EP300: variants seen among roughly 807,000 people sequenced by gnomAD.
EP300 encodes the protein histone acetyltransferase p300.
In EP300, 31 loss-of-function variants were observed where a neutral mutation model predicts 264.0. The observed-to-expected ratio is 0.12, with a 90% CI of 0.09 to 0.16. The LOEUF is 0.16. EP300 is among the 10% of genes least tolerant of loss of function. The pLI is 1.00. For synonymous variants in EP300, 1,340 were observed against 1,045.4 expected (o/e 1.28, Z -5.44); for missense variants, 2,766 against 3,052.9 (o/e 0.91, Z 2.21).
chr22:41,168,128 C>G (rs2059150857), intron 23 of EP300: 1 of 370,184 alleles, frequency 2.7e-6, no homozygotes, highest in Non-Finnish European at 5.2e-6. Flanking sequence ...GGCCCCTGTT[C>G]TGTATTTTTA....
intron 6 of EP300, among the ~76,000 whole-genome samples, chr22:41,132,701 G>A (rs1337059865): frequency 6.6e-6 from 1 of 152,170 alleles, no homozygotes; most frequent in Non-Finnish European, 1.5e-5. Flanking sequence ...ATAGAAATGA[G>A]TGTAGTTGGT....
rs148136490 is a variant in EP300, at chr22:41,126,170, G to A, written c.906+130G>A. On this transcript the variant is annotated intron_variant, in intron 3 of 30. Transcript: ENST00000263253. ...TAGGAGCCTAAATTGATATGTACTT[G>A]ATGATCCCTGTGAGGAGGCTTGTGC... 371 of 899,092 alleles carry A rather than the reference G, an allele frequency of 4.1e-4. 1 individual carries two copies. In the African/African-American group the frequency reaches 4.3e-3, roughly 10 times the overall value. The allele number at this position is 899,092 out of a possible 1,614,324, so 55.7% of individuals were successfully genotyped here.
At position 41,152,285 on chromosome 22, in the gene EP300, A is replaced by G. The variant is rs2145740918; in HGVS notation, c.3077A>G (p.Glu1026Gly). The G allele has an allele frequency of 1.9e-6, 3 of 1,614,176 alleles. No individual in the cohort carries two copies. Among genetic ancestry groups the G allele is most frequent in the East Asian group, 2.2e-5 (1 of 44,874 alleles). The change falls in exon 16 of 31, where the codon GAG becomes GGG. Residue 1026 changes from glutamate (E) to glycine (G), a missense_variant. Physicochemically the swap from Glu to Gly is moderately conservative, Grantham distance 98 (BLOSUM62 -2). Transcript: ENST00000263253. Reference protein sequence around the residue: ...STELKTEIKEEEDQPSTSATQ... With the variant: ...STELKTEIKEGEDQPSTSATQ... ...GAGTTAAAAACTGAAATAAAAGAGG[A>G]GGAAGACCAGCCAAGTACTTCAGCT... is the stretch of plus-strand genomic sequence containing the variant.
At chr22:41,095,941 C>T (rs994629918) in intron 1 of EP300, among the ~76,000 whole-genome samples, 1 of 152,122 alleles carries the variant, frequency 6.6e-6, no homozygotes, top group East Asian at 1.9e-4. Flanking sequence ...GTTTAATACT[C>T]AGATATTCTC....
chr22:41,152,411 A>G (rs2145741389), intron 16 of EP300, 61 bp downstream of exon 16: 8 of 1,565,170 alleles, frequency 5.1e-6, no homozygotes, highest in Non-Finnish European at 6.9e-6. Flanking sequence ...CCAGGGCAGA[A>G]TTGCGGTCAT....
chr22:41,135,969 T>C, intron 7 of EP300, 63 bp downstream of exon 7: 1 of 1,271,842 alleles, frequency 7.9e-7, no homozygotes, highest in Non-Finnish European at 1.2e-6. Context: ...AACAATTCAT[T>C]GTTTGACTTT....
At chr22:41,094,126 T>G (rs887113712) in intron 1 of EP300, among the ~76,000 whole-genome samples, 1 of 152,226 alleles carries the variant, frequency 6.6e-6, no homozygotes, top group Non-Finnish European at 1.5e-5. Flanking sequence ...TACAGTTAGT[T>G]TAATGGTGTT....
At position 41,177,842 on chromosome 22, in the gene EP300, G is replaced by A. The variant is rs1457697396; in HGVS notation, c.6131G>A (p.Gly2044Asp). ...GTAGGTATCAGCCCACTCAAACCAGGCACTGTGTCTCAACAAGCCTTACAA... is the reference window on the plus strand; with the variant it reads ...GTAGGTATCAGCCCACTCAAACCAGACACTGTGTCTCAACAAGCCTTACAA... ...GQVGISPLKP[G>D]TVSQQALQNL... The change falls in exon 31 of 31, where the codon GGC (glycine) becomes GAC (aspartate). Residue 2044 changes from glycine to aspartate, a missense_variant. Physicochemically the swap from Gly to Asp is moderately conservative, Grantham distance 94. Coordinates refer to ENST00000263253, the MANE Select transcript of EP300 (RefSeq NM_001429.4). 6.2e-7 allele frequency: 1 copy of A among 1,614,130 alleles called. No homozygotes were observed. The highest frequency in any genetic ancestry group is 8.5e-7 in the Non-Finnish European group (1 of 1,180,024).
intron 22 of EP300, among the ~76,000 whole-genome samples, 161 bp from the exon 23 acceptor site, chr22:41,166,435 ATTC>A (rs1169766338): frequency 6.6e-6 from 1 of 151,990 alleles, no homozygotes; most frequent in Non-Finnish European, 1.5e-5. Context: ...TATCTTTTTT[ATTC>A]TTACTGATTT....
intron 1 of EP300, among the ~76,000 whole-genome samples, chr22:41,105,069 C>T (rs1426737031): frequency 7.3e-5 from 11 of 151,334 alleles, no homozygotes; most frequent in South Asian, 2.1e-4. Context: ...TAGTGGCGGG[C>T]GCCTGTAGTC....
intron 1 of EP300, among the ~76,000 whole-genome samples, chr22:41,108,438 CTG>C (rs2058770666): frequency 6.6e-6 from 1 of 151,680 alleles, no homozygotes; most frequent in Non-Finnish European, 1.5e-5. Flanking sequence ...TTTGTTGACA[CTG>C]GTGTCCTTCT....
chr22:41,161,228 GC>G (rs1419614660), intron 20 of EP300, among the ~76,000 whole-genome samples: 1 of 152,184 alleles, frequency 6.6e-6, no homozygotes, highest in African/African-American at 2.4e-5. Flanking sequence ...TTAACAGCAT[GC>G]CGGGGTTTAA....
At chr22:41,117,158 T>G (rs1448137766) in intron 1 of EP300, 29 bp from the exon 2 acceptor site, 2 of 1,605,768 alleles carry the variant, frequency 1.2e-6, no homozygotes, top group African/African-American at 2.7e-5. Context: ...TGTCATACTT[T>G]GACCTTTGTC....
At chr22:41,097,036 T>G (rs1052248305) in intron 1 of EP300, among the ~76,000 whole-genome samples, 6 of 152,240 alleles carry the variant, frequency 3.9e-5, no homozygotes, top group Non-Finnish European at 5.9e-5. Context: ...ATGTTTTATT[T>G]TATTTTGGCT....
intron 17 of EP300, among the ~76,000 whole-genome samples, chr22:41,155,977 G>C (rs2059074402): frequency 6.6e-6 from 1 of 152,016 alleles, no homozygotes; most frequent in Non-Finnish European, 1.5e-5. Context: ...GAATTCCTGG[G>C]TTATATAGTT....
intron 1 of EP300, among the ~76,000 whole-genome samples, chr22:41,097,065 TTTGCTTCTGGAGTCTTGCAGATATA>T (rs1462700155): frequency 1.3e-5 from 2 of 152,212 alleles, no homozygotes; most frequent in Non-Finnish European, 2.9e-5. Flanking sequence ...TACATAAGAG[TTTGCTTCTGGAGTCTTGCAGATATA>T]GCTCCTGATT....
Position 41,158,393 on chromosome 22 carries a change from CA to C in EP300, c.3502-16del. The C allele has an allele frequency of 6.2e-7, 1 of 1,612,202 alleles. No individual in the cohort carries two copies. Among genetic ancestry groups the C allele is most frequent in the African/African-American group, 1.3e-5 (1 of 75,052 alleles). ...TCCTTAAGGCCTCTGTGCTTTTTAA[CA>C]AATGGTTTCTTTTGCAGTTGGAGTT... On this transcript the variant is annotated intron_variant, in intron 18 of 30. Transcript: ENST00000263253.
chr22:41,166,750 T>G, intron 23 of EP300, 84 bp downstream of exon 23: 1 of 884,600 alleles, frequency 1.1e-6, no homozygotes, highest in Non-Finnish European at 1.8e-6. Flanking sequence ...TTACTTTGTT[T>G]TTAATCACAG....
At chr22:41,162,670 C>A in intron 20 of EP300, 53 bp from the exon 21 acceptor site, 1 of 1,425,634 alleles carries the variant, frequency 7.0e-7, no homozygotes, top group South Asian at 1.2e-5. Flanking sequence ...GAACAGCAGT[C>A]AGATTGCTCA....
Sources: gnomAD v4.1 joint callset for allele counts (sites outside exome capture counted in the v4.1 genomes callset) on GRCh38, gnomAD v4.1.1 for gene constraint, MANE v1.5 for transcripts, NCBI Gene and HGNC (gene_info 2026-07-23, HGNC 2026-07-21) for gene names.